Variants in DLG2 observed in about 807,000 individuals in gnomAD.
DLG2 encodes the protein disks large homolog 2.
Under a neutral mutation model 132.5 loss-of-function variants are expected in DLG2, and 45 were observed. That is an observed-to-expected ratio of 0.34 (90% CI 0.27 to 0.44). The LOEUF (loss-of-function observed/expected upper bound fraction) is 0.44. Among genes scored for constraint, DLG2 ranks in the 20% least tolerant of loss-of-function variants. The pLI is 1.00. For missense variants in DLG2, 1,045 were observed against 1,196.9 expected (o/e 0.87, Z 1.87); for synonymous variants, 424 against 419.6 (o/e 1.01, Z -0.13).
intron 15 of DLG2, among the ~76,000 whole-genome samples, chr11:83,919,665 C>T (rs960863825): frequency 1.3e-5 from 2 of 152,124 alleles, no homozygotes; most frequent in Non-Finnish European, 2.9e-5. Context: ...AAGTGCTAAC[C>T]TTATAATATG....
chr11:83,902,342 T>G (rs1335876156), intron 15 of DLG2, among the ~76,000 whole-genome samples: 1 of 152,216 alleles, frequency 6.6e-6, no homozygotes, highest in East Asian at 1.9e-4. Context: ...GAGGGTTCAT[T>G]TGAATCAAGA....
chr11:84,296,195 T>G (rs1295902101), intron 7 of DLG2, among the ~76,000 whole-genome samples: 3 of 152,144 alleles, frequency 2.0e-5, no homozygotes, highest in Non-Finnish European at 4.4e-5. Context: ...GAGCAATGTT[T>G]GGCTTTTTTT....
At chr11:84,433,101 T>C (rs1171409199) in intron 7 of DLG2, among the ~76,000 whole-genome samples, 1 of 152,122 alleles carries the variant, frequency 6.6e-6, no homozygotes, top group Non-Finnish European at 1.5e-5. Context: ...CACTCATAGG[T>C]TATAAACTGC....
At chr11:85,507,037 T>C (rs2093951776) in intron 3 of DLG2, among the ~76,000 whole-genome samples, 1 of 152,192 alleles carries the variant, frequency 6.6e-6, no homozygotes, top group Non-Finnish European at 1.5e-5. Flanking sequence ...TTGTAACCCC[T>C]GCATTTTTTG....
intron 8 of DLG2, among the ~76,000 whole-genome samples, chr11:84,246,086 T>C (rs866452170): frequency 6.6e-6 from 1 of 152,216 alleles, no homozygotes; most frequent in East Asian, 1.9e-4. Flanking sequence ...ATGAAACTTC[T>C]GAAGCAGAGA....
Position 84,154,954 on chromosome 11 carries a change from A to C in DLG2, c.624+8507T>G, listed in dbSNP as rs556500167. ...TAAAGAGCTTCTGCACAGCAAAAGA[A>C]ACTACCATCAGAGTGCACAGGCAAC... On this transcript the variant is annotated intron_variant, in intron 9 of 27. Transcript: ENST00000376104. Among the ~76,000 whole-genome samples the C allele has an allele frequency of 3.9e-4, 60 of 152,298 alleles. 1 individual carries two copies. In the South Asian group the frequency reaches 0.012, roughly 32 times the overall value.
intron 6 of DLG2, among the ~76,000 whole-genome samples, chr11:84,882,197 G>A (rs1406655440): frequency 2.0e-5 from 3 of 152,012 alleles, no homozygotes; most frequent in Admixed American, 6.6e-5. Flanking sequence ...AAAGAAAGCT[G>A]TGTCAACACC....
chr11:83,726,401 T>A (rs2090002286), intron 18 of DLG2, among the ~76,000 whole-genome samples: 1 of 152,214 alleles, frequency 6.6e-6, no homozygotes, highest in Non-Finnish European at 1.5e-5. Context: ...TATATGAATT[T>A]CCTTCCCTCC....
intron 4 of DLG2, among the ~76,000 whole-genome samples, chr11:85,169,288 T>C (rs1041327865): frequency 6.6e-6 from 1 of 152,126 alleles, no homozygotes; most frequent in African/African-American, 2.4e-5. Flanking sequence ...AGTTCAACTG[T>C]GTCTATAATA....
At chr11:84,428,494 A>C (rs1441964242) in intron 7 of DLG2, among the ~76,000 whole-genome samples, 1 of 152,188 alleles carries the variant, frequency 6.6e-6, no homozygotes, top group Non-Finnish European at 1.5e-5. Context: ...TATAAGATCA[A>C]GGTTCTATCA....
intron 18 of DLG2, among the ~76,000 whole-genome samples, chr11:83,769,009 T>C (rs1349712989): frequency 6.6e-6 from 1 of 152,248 alleles, no homozygotes; most frequent in East Asian, 1.9e-4. Flanking sequence ...TACAGTGCTT[T>C]GTGAGAATTA....
At chr11:84,648,578 G>A (rs894734865) in intron 6 of DLG2, among the ~76,000 whole-genome samples, 1 of 152,138 alleles carries the variant, frequency 6.6e-6, no homozygotes, top group East Asian at 1.9e-4. Context: ...CTGGTGGGAA[G>A]TGTTTGGAGC....
intron 9 of DLG2, among the ~76,000 whole-genome samples, chr11:84,102,252 C>G (rs1008354554): frequency 1.3e-5 from 2 of 152,112 alleles, no homozygotes; most frequent in Non-Finnish European, 2.9e-5. Flanking sequence ...CTGAGTCTGT[C>G]TTTCCTTTAA....
intron 6 of DLG2, among the ~76,000 whole-genome samples, chr11:84,861,190 A>G (rs2083569619): frequency 1.3e-5 from 2 of 152,128 alleles, no homozygotes; most frequent in Admixed American, 6.6e-5. Context: ...TGGGAATATA[A>G]GCTGAGAGAT....
intron 4 of DLG2, among the ~76,000 whole-genome samples, chr11:85,204,079 C>G (rs2081668398): frequency 6.6e-6 from 1 of 152,066 alleles, no homozygotes; most frequent in Admixed American, 6.5e-5. Context: ...CAGCTAACAA[C>G]ATACTGAATG....
intron 7 of DLG2, among the ~76,000 whole-genome samples, chr11:84,524,927 G>A (rs1447431973): frequency 6.7e-6 from 1 of 149,504 alleles, no homozygotes; most frequent in Non-Finnish European, 1.5e-5. Context: ...CTTAGGCATT[G>A]TAGAGGAACT....
At chr11:84,429,727 T>C (rs1200817775) in intron 7 of DLG2, among the ~76,000 whole-genome samples, 4 of 152,214 alleles carry the variant, frequency 2.6e-5, no homozygotes, top group Non-Finnish European at 4.4e-5. Context: ...ATTATCAAAT[T>C]TATCTTTACA....
chr11:83,861,389 A>G (rs2061431394), intron 16 of DLG2, among the ~76,000 whole-genome samples: 1 of 152,228 alleles, frequency 6.6e-6, no homozygotes, highest in Non-Finnish European at 1.5e-5. Context: ...TATATACCCA[A>G]AAGAAAAGAA....
At chr11:84,060,816 C>CT (rs1393828933) in intron 10 of DLG2, among the ~76,000 whole-genome samples, 1 of 151,974 alleles carries the variant, frequency 6.6e-6, no homozygotes, top group Non-Finnish European at 1.5e-5. Flanking sequence ...GCTTCTTTTC[C>CT]CCCACCACCA....
Sources: allele counts gnomAD v4.1 joint callset (sites outside exome capture counted in the v4.1 genomes callset), GRCh38; gene constraint gnomAD v4.1.1; transcripts MANE v1.5; gene names NCBI Gene and HGNC (gene_info 2026-07-23, HGNC 2026-07-21).